The following USP48 variants were observed in gnomAD, a reference collection of about 807,000 sequenced individuals.
USP48 encodes the protein ubiquitin specific peptidase 48.
Under a neutral mutation model 150.7 loss-of-function variants are expected in USP48, and 43 were observed. The ratio of observed to expected loss-of-function variants is 0.29; its 90% CI spans 0.22 to 0.37. The LOEUF (loss-of-function observed/expected upper bound fraction) is 0.37. Ranked by LOEUF, USP48 falls within the 10% of genes least tolerant of loss-of-function variation. The pLI, the probability that USP48 is intolerant of heterozygous loss-of-function variation, is 1.00. For synonymous variants in USP48, 396 were observed against 425.9 expected (o/e 0.93, Z 0.86); for missense variants, 813 against 1,249.6 (o/e 0.65, Z 5.27).
chr1:21,696,804 T>C (rs2097633835), intron 22 of USP48, among the ~76,000 whole-genome samples: 1 of 141,536 alleles, frequency 7.1e-6, no homozygotes, highest in South Asian at 2.3e-4. Flanking sequence ...AGTACTCCTA[T>C]AAATCCCTCA....
intron 1 of USP48, among the ~76,000 whole-genome samples, chr1:21,777,096 A>G (rs1422173973): frequency 6.6e-6 from 1 of 151,772 alleles, no homozygotes; most frequent in Non-Finnish European, 1.5e-5. Context: ...CCTGGACAAC[A>G]GAGCCAGACT....
intron 11 of USP48, among the ~76,000 whole-genome samples, chr1:21,726,315 T>C (rs2097737069): frequency 1.3e-5 from 2 of 152,154 alleles, no homozygotes; most frequent in African/African-American, 4.8e-5. Context: ...AAGACAACAT[T>C]TTCCAATCTC....
chr1:21,700,419 C>T (rs868812215), intron 22 of USP48, among the ~76,000 whole-genome samples: 1 of 152,132 alleles, frequency 6.6e-6, no homozygotes, highest in African/African-American at 2.4e-5. Context: ...ATTTTGGGCA[C>T]ACCAAGATTC....
intron 1 of USP48, among the ~76,000 whole-genome samples, chr1:21,779,951 C>G (rs918895269): frequency 4.6e-5 from 7 of 152,090 alleles, no homozygotes; most frequent in African/African-American, 1.7e-4. Flanking sequence ...GCATTTGAAC[C>G]CTCATACATC....
At chr1:21,741,499 TTTCAC>T (rs767066454) in intron 8 of USP48, among the ~76,000 whole-genome samples, 11 of 152,320 alleles carry the variant, frequency 7.2e-5, no homozygotes, top group South Asian at 2.1e-4. Context: ...GAAAAGAATC[TTTCAC>T]CCACAGACCC....
intron 1 of USP48, among the ~76,000 whole-genome samples, chr1:21,773,034 G>T (rs373702515): frequency 6.7e-6 from 1 of 150,360 alleles, no homozygotes; most frequent in Non-Finnish European, 1.5e-5. Context: ...TGAGGCAGGC[G>T]GATCACATGG....
intron 25 of USP48, chr1:21,681,190 G>T: frequency 5.6e-6 from 1 of 179,532 alleles, no homozygotes; most frequent in East Asian, 1.5e-4. Context: ...TCTGGAAGGA[G>T]TCACTTTTGA....
At chr1:21,711,131 A>C (rs914827455) in intron 15 of USP48, among the ~76,000 whole-genome samples, 1 of 152,098 alleles carries the variant, frequency 6.6e-6, no homozygotes, top group Non-Finnish European at 1.5e-5. Flanking sequence ...ATAATGATGA[A>C]GACAACAGAG....
Position 21,744,852 on chromosome 1 carries a change from G to C in USP48, c.991+2215C>G, listed in dbSNP as rs76816934. ...AATATGGCAAGACTTGAGTTTGAGA[G>C]TCAGGGGCTAATGTTCAAAAATGAG... On this transcript the variant is annotated intron_variant, in intron 8 of 26. Transcript: ENST00000308271. Among the ~76,000 whole-genome samples the C allele has an allele frequency of 3.0e-3, 443 of 149,960 alleles. 7 individuals carry two copies. Among genetic ancestry groups the C allele is most frequent in the African/African-American group, 0.01 (423 of 40,796 alleles).
chr1:21,763,146 A>G (rs1449415183), intron 1 of USP48, among the ~76,000 whole-genome samples: 1 of 152,236 alleles, frequency 6.6e-6, no homozygotes, highest in African/African-American at 2.4e-5. Flanking sequence ...TTCAAAAGCT[A>G]CTATGAGAAG....
At chr1:21,701,093 G>A (rs1261109666) in intron 22 of USP48, among the ~76,000 whole-genome samples, 1 of 149,582 alleles carries the variant, frequency 6.7e-6, no homozygotes, top group Non-Finnish European at 1.5e-5. Context: ...AAGGCCGGGT[G>A]CGGTGGCTCC....
rs778335525 is a variant in USP48 at position 21,680,771 on chromosome 1, T to C, written c.3085+37A>G. The C allele has an allele frequency of 3.8e-6, 6 of 1,569,220 alleles. No homozygotes were observed. In the African/African-American group the frequency reaches 8.4e-5, roughly 22 times the overall value. Reference sequence around the variant, plus strand: ...TTAACAGAAAATTACAGGATGACTCTGACATTCATGAACAAAACATGACAA... The same window carrying C: ...TTAACAGAAAATTACAGGATGACTCCGACATTCATGAACAAAACATGACAA... On this transcript the variant is annotated intron_variant, in intron 26 of 26. Transcript: ENST00000308271.
intron 6 of USP48, among the ~76,000 whole-genome samples, chr1:21,748,739 C>T (rs1230052027): frequency 2.6e-5 from 4 of 152,130 alleles, no homozygotes; most frequent in Non-Finnish European, 4.4e-5. Context: ...GGTGAAACCC[C>T]GTCTCTACTA....
At chr1:21,761,507 T>C (rs2097850026) in intron 1 of USP48, among the ~76,000 whole-genome samples, 1 of 152,180 alleles carries the variant, frequency 6.6e-6, no homozygotes, top group Admixed American at 6.5e-5. Context: ...TTTATACCTT[T>C]CAGACTTTGA....
Position 21,748,084 on chromosome 1 carries a change from C to T in USP48, c.908+54G>A. The T allele has an allele frequency of 2.0e-6, 3 of 1,523,336 alleles. No homozygotes were observed. In the South Asian group the frequency reaches 4.0e-5, roughly 20 times the overall value. 94.4% of individuals were successfully genotyped at this position (1,523,336 alleles called of 1,614,324 possible). A position where few individuals can be genotyped will look rare whatever the true frequency, so the allele number is the denominator to read the frequency against. On this transcript the variant is annotated intron_variant, in intron 7 of 26. Coordinates refer to ENST00000308271, the MANE Select transcript of USP48 (RefSeq NM_032236.8). Reference sequence around the variant, plus strand: ...TTTATCATCTCATCTATGGTAAAGTCTGTACATAGTAGACCACAATGAACA... The same window carrying T: ...TTTATCATCTCATCTATGGTAAAGTTTGTACATAGTAGACCACAATGAACA...
intron 24 of USP48, among the ~76,000 whole-genome samples, chr1:21,688,497 G>A (rs958217523): frequency 6.6e-6 from 1 of 151,550 alleles, no homozygotes; most frequent in Non-Finnish European, 1.5e-5. Context: ...AGGATTACAG[G>A]GGTGAGCCAC....
At chr1:21,705,587 GA>G (rs200944312) in intron 19 of USP48, 139 bp downstream of exon 19, 75 of 586,514 alleles carry the variant, frequency 1.3e-4, no homozygotes, top group South Asian at 2.3e-4. Flanking sequence ...TTTAAAAGGG[GA>G]AAAAAAAACC....
chr1:21,723,577 G>A (rs2097728048), intron 12 of USP48, among the ~76,000 whole-genome samples: 4 of 151,348 alleles, frequency 2.6e-5, no homozygotes, highest in Admixed American at 2.0e-4. Flanking sequence ...CCAGACAAGG[G>A]CTCAAGTACC....
intron 12 of USP48, 47 bp downstream of exon 12, chr1:21,723,851 A>G: frequency 6.5e-7 from 1 of 1,535,962 alleles, no homozygotes; most frequent in Non-Finnish European, 8.9e-7. Flanking sequence ...TAAGATGAAG[A>G]TTTAATGAGC....
Sources: gnomAD v4.1 joint callset for allele counts (sites outside exome capture counted in the v4.1 genomes callset) on GRCh38, gnomAD v4.1.1 for gene constraint, MANE v1.5 for transcripts, NCBI Gene and HGNC (gene_info 2026-07-23, HGNC 2026-07-21) for gene names.